Variants in FERMT2 observed in about 807,000 individuals in gnomAD.
The protein encoded by FERMT2 is fermitin family homolog 2.
Under a neutral mutation model 82.7 loss-of-function variants are expected in FERMT2, and 15 were observed. The observed-to-expected ratio is 0.18, with a 90% CI of 0.12 to 0.28. The LOEUF (loss-of-function observed/expected upper bound fraction) is 0.28. Ranked by LOEUF, FERMT2 falls within the 10% of genes least tolerant of loss-of-function variation. The pLI, the probability that FERMT2 is intolerant of heterozygous loss-of-function variation, is 1.00. For missense variants in FERMT2, 645 were observed against 809.4 expected (o/e 0.80, Z 2.46); for synonymous variants, 274 against 271.5 (o/e 1.01, Z -0.09).
At chr14:52,885,730 A>G (rs1205175284) in intron 4 of FERMT2, among the ~76,000 whole-genome samples, 2 of 152,226 alleles carry the variant, frequency 1.3e-5, no homozygotes. Flanking sequence ...AGTAAAATTT[A>G]CCTAACTTAT....
rs546285703 is a variant in FERMT2, at chr14:52,939,247, C to T, written c.157+11165G>A. Among the ~76,000 whole-genome samples the T allele has an allele frequency of 3.3e-5, 5 of 150,210 alleles. No homozygotes were observed. In the South Asian group the frequency reaches 8.5e-4, roughly 26 times the overall value. On this transcript the variant is annotated intron_variant, in intron 2 of 14. Coordinates refer to ENST00000341590, the MANE Select transcript of FERMT2 (RefSeq NM_006832.3). ...AAATAGCAGGGCATGGTGGTGCGTG[C>T]CTGTAATCCCAGCTACTCAGGAGGC...
chr14:52,889,712 T>C (rs1886819635), intron 4 of FERMT2, among the ~76,000 whole-genome samples: 1 of 152,184 alleles, frequency 6.6e-6, no homozygotes, highest in African/African-American at 2.4e-5. Context: ...GATGGTATAG[T>C]CTATTGCTCC....
intron 10 of FERMT2, among the ~76,000 whole-genome samples, chr14:52,868,204 A>T (rs1885401142): frequency 7.2e-6 from 1 of 137,998 alleles, no homozygotes; most frequent in Non-Finnish European, 1.5e-5. Context: ...GCAGCACAAA[A>T]CTCTCTAGGC....
At chr14:52,938,183 T>C (rs998133922) in intron 2 of FERMT2, among the ~76,000 whole-genome samples, 3 of 152,206 alleles carry the variant, frequency 2.0e-5, no homozygotes, top group African/African-American at 7.2e-5. Context: ...AAACAGAATT[T>C]ACAAAGGCAA....
intron 10 of FERMT2, among the ~76,000 whole-genome samples, chr14:52,869,183 C>T (rs1361111472): frequency 1.3e-5 from 2 of 152,150 alleles, no homozygotes; most frequent in African/African-American, 4.8e-5. Flanking sequence ...CAAAGAATGA[C>T]AGAGACCCAA....
intron 3 of FERMT2, among the ~76,000 whole-genome samples, chr14:52,908,955 T>C (rs971589132): frequency 1.3e-5 from 2 of 152,168 alleles, no homozygotes; most frequent in Non-Finnish European, 2.9e-5. Context: ...CTGCCATTTC[T>C]CAGCCCTCTT....
At chr14:52,940,996 G>A (rs1295151315) in intron 2 of FERMT2, among the ~76,000 whole-genome samples, 1 of 152,084 alleles carries the variant, frequency 6.6e-6, no homozygotes, top group Non-Finnish European at 1.5e-5. Context: ...AGTTACCCCA[G>A]AAAAATGAAA....
chr14:52,919,331 A>G lies in FERMT2; in HGVS notation c.183T>C (p.His61=). 1 of 1,612,872 alleles carries G rather than the reference A, an allele frequency of 6.2e-7. No homozygotes were observed. Among genetic ancestry groups the G allele is most frequent in the Non-Finnish European group, 8.5e-7 (1 of 1,179,042 alleles). Residue 61 remains histidine, a synonymous_variant, in exon 3 of 15, where the codon CAT becomes CAC. Coordinates refer to ENST00000341590, the MANE Select transcript of FERMT2 (RefSeq NM_006832.3). The part of the protein sequence containing the change: ...KLDVKKDWSD[H]ALWWEKKRTW... ...TTCTCTTCTTTTCCCACCAGAGAGCATGGTCAGACCAATCTTTTTTTACAT... is the reference window on the plus strand; with the variant it reads ...TTCTCTTCTTTTCCCACCAGAGAGCGTGGTCAGACCAATCTTTTTTTACAT...
rs571738359 is a variant in FERMT2, at chr14:52,878,932, T to C, written c.856-243A>G. Among the ~76,000 whole-genome samples, 6 of 152,294 alleles carry C rather than the reference T, an allele frequency of 3.9e-5. No individual in the cohort carries two copies. The East Asian group carries it at 5.8e-4, about 15-fold the overall frequency. On this transcript the variant is annotated intron_variant, in intron 6 of 14. Transcript: ENST00000341590. ...GACATTAAAATATGACAGAGAATAA[T>C]TGATTGTACAGTATTAAAAAGTAGA... is the stretch of plus-strand genomic sequence containing the variant.
intron 4 of FERMT2, among the ~76,000 whole-genome samples, chr14:52,886,250 A>T (rs1256224778): frequency 6.6e-6 from 1 of 152,050 alleles, no homozygotes; most frequent in Non-Finnish European, 1.5e-5. Context: ...TGATGGAAGT[A>T]TAAACCACAG....
At chr14:52,873,134 G>A (rs1392577113) in intron 9 of FERMT2, among the ~76,000 whole-genome samples, 1 of 152,166 alleles carries the variant, frequency 6.6e-6, no homozygotes, top group East Asian at 1.9e-4. Context: ...CCCACAAACA[G>A]CGTTCCGAGG....
At chr14:52,871,220 G>GAATCT (rs2140086982) in intron 10 of FERMT2, among the ~76,000 whole-genome samples, 1 of 152,270 alleles carries the variant, frequency 6.6e-6, no homozygotes, top group South Asian at 2.1e-4. Flanking sequence ...CACCTGACTG[G>GAATCT]AATCTAAGTC....
chr14:52,892,544 T>G (rs1402521300), intron 4 of FERMT2, among the ~76,000 whole-genome samples: 1 of 146,852 alleles, frequency 6.8e-6, no homozygotes, highest in East Asian at 2.2e-4. Context: ...AACTCCCACC[T>G]CTTGGGTTCA....
chr14:52,865,890 A>C (rs1056343928), intron 10 of FERMT2, among the ~76,000 whole-genome samples: 10 of 152,182 alleles, frequency 6.6e-5, no homozygotes, highest in African/African-American at 2.4e-4. Context: ...TCCTACCATG[A>C]ATTTTGTAGA....
intron 12 of FERMT2, chr14:52,861,294 C>A: frequency 2.3e-6 from 1 of 434,666 alleles, no homozygotes; most frequent in Non-Finnish European, 4.0e-6. Flanking sequence ...TTAAATGTTG[C>A]TAAAGAACCT....
rs987084208 is a variant in FERMT2 at position 52,916,371 on chromosome 14, A to AG, written c.391+2751_391+2752insC. ...AAAAAAAGAAGAAGAAAAGAAAAAA[A>AG]AAAGAAATAAGCTATCAAGCCACAA... On this transcript the variant is annotated intron_variant, in intron 3 of 14. Coordinates refer to ENST00000341590, the MANE Select transcript of FERMT2 (RefSeq NM_006832.3). Among the ~76,000 whole-genome samples, 448 of 152,114 alleles carry AG rather than the reference A, an allele frequency of 2.9e-3. 2 individuals are homozygous for AG. The highest frequency in any genetic ancestry group is 0.011 in the African/African-American group (436 of 41,508).
At chr14:52,882,894 T>TA (rs34025652) in intron 4 of FERMT2, among the ~76,000 whole-genome samples, 19 of 152,076 alleles carry the variant, frequency 1.2e-4, no homozygotes, top group Admixed American at 1.0e-3. Context: ...ATGTTAGTAC[T>TA]AAAAAAAACC....
At position 52,913,373 on chromosome 14, in the gene FERMT2, G is replaced by C. The variant is rs563749730; in HGVS notation, c.391+5750C>G. On this transcript the variant is annotated intron_variant, in intron 3 of 14. Coordinates refer to ENST00000341590, the MANE Select transcript of FERMT2 (RefSeq NM_006832.3). ...AATGCATGGATGAGCGCTCTCACTGGATATGGCTTCTCTGTCCTTAGAAGC... is the reference window on the plus strand; with the variant it reads ...AATGCATGGATGAGCGCTCTCACTGCATATGGCTTCTCTGTCCTTAGAAGC... 2.6e-5 allele frequency among the ~76,000 whole-genome samples: 4 copies of C among 152,284 alleles called. No homozygotes were observed. The South Asian group carries it at 8.3e-4, about 32-fold the overall frequency.
At chr14:52,884,012 C>A (rs942762782) in intron 4 of FERMT2, among the ~76,000 whole-genome samples, 2 of 152,174 alleles carry the variant, frequency 1.3e-5, no homozygotes, top group Non-Finnish European at 2.9e-5. Context: ...TCCTAAGTTA[C>A]CAAGTCTCAG....
Sources: gnomAD v4.1 joint callset for allele counts (sites outside exome capture counted in the v4.1 genomes callset) on GRCh38, gnomAD v4.1.1 for gene constraint, MANE v1.5 for transcripts, NCBI Gene and HGNC (gene_info 2026-07-23, HGNC 2026-07-21) for gene names.